ACAD11: variants seen among roughly 807,000 people sequenced by gnomAD.
The protein encoded by ACAD11 is acyl-Coenzyme A dehydrogenase family, member 11.
In ACAD11, 83 loss-of-function variants were observed where a neutral mutation model predicts 102.2. The observed-to-expected ratio is 0.81, with a 90% CI of 0.68 to 0.97. ACAD11 has a LOEUF of 0.97. Among genes scored for constraint, ACAD11 ranks in the 50% least tolerant of loss-of-function variants. The pLI is 0.00. For synonymous variants in ACAD11, 324 were observed against 319.8 expected (o/e 1.01, Z -0.14); for missense variants, 901 against 951.7 (o/e 0.95, Z 0.70).
intron 19 of ACAD11, 116 bp from the exon 20 acceptor site, chr3:132,559,201 G>A: frequency 1.3e-6 from 1 of 765,294 alleles, no homozygotes; most frequent in East Asian, 2.7e-5. Flanking sequence ...ATTCCACCAA[G>A]GTCAGGGTAA....
intron 11 of ACAD11, among the ~76,000 whole-genome samples, chr3:132,610,032 T>C (rs1235557599): frequency 6.6e-6 from 1 of 152,142 alleles, no homozygotes; most frequent in Non-Finnish European, 1.5e-5. Flanking sequence ...AAAAACCACA[T>C]GATTATCTCA....
intron 9 of ACAD11, chr3:132,620,249 A>G (rs1939558552): frequency 6.6e-6 from 1 of 152,240 alleles, no homozygotes. Context: ...GCTGGAATAG[A>G]CAAAATAAAC....
At chr3:132,639,969 AAC>A (rs911226052) in intron 4 of ACAD11, among the ~76,000 whole-genome samples, 4 of 151,170 alleles carry the variant, frequency 2.6e-5, no homozygotes, top group East Asian at 3.9e-4. Context: ...AATGCATACA[AAC>A]ACACACACGC....
At chr3:132,601,990 CATCTAAAACAG>C (rs2107823276) in intron 13 of ACAD11, 1 of 169,834 alleles carries the variant, frequency 5.9e-6, no homozygotes, top group South Asian at 1.9e-4. Flanking sequence ...TAAGTTAGGC[CATCTAAAACAG>C]ATTATTAAAG....
At chr3:132,586,235 G>GC (rs1310911645) in intron 13 of ACAD11, among the ~76,000 whole-genome samples, 1 of 152,002 alleles carries the variant, frequency 6.6e-6, no homozygotes, top group African/African-American at 2.4e-5. Context: ...GCAAACTATC[G>GC]CAAGGACAAA....
chr3:132,641,861 A>C (rs1576616736), intron 4 of ACAD11, 111 bp downstream of exon 4: 1 of 994,206 alleles, frequency 1.0e-6, no homozygotes, highest in African/African-American at 1.6e-5. Flanking sequence ...CAATGTTAAA[A>C]GTCATGGCCA....
At chr3:132,657,952 T>C (rs1937901031) in intron 1 of ACAD11, among the ~76,000 whole-genome samples, 1 of 147,142 alleles carries the variant, frequency 6.8e-6, no homozygotes, top group Admixed American at 7.0e-5. Context: ...AACCTCCCTC[T>C]CCTGGTTCAA....
intron 9 of ACAD11, among the ~76,000 whole-genome samples, chr3:132,620,887 C>G (rs1939583060): frequency 6.6e-6 from 1 of 152,114 alleles, no homozygotes; most frequent in South Asian, 2.1e-4. Flanking sequence ...TTCTCACACA[C>G]TCCAAAATTT....
At chr3:132,609,134 C>G (rs1307543259) in intron 11 of ACAD11, among the ~76,000 whole-genome samples, 4 of 152,040 alleles carry the variant, frequency 2.6e-5, no homozygotes, top group Non-Finnish European at 4.4e-5. Context: ...TGGGACACAA[C>G]TAAAGCAGTA....
intron 3 of ACAD11, 72 bp downstream of exon 3, chr3:132,642,605 C>A (rs1940566452): frequency 7.1e-7 from 1 of 1,409,234 alleles, no homozygotes; most frequent in Admixed American, 2.3e-5. Flanking sequence ...TATTAAGTAT[C>A]ATAATAAAAC....
At chr3:132,628,490 C>T in intron 7 of ACAD11, 44 bp from the exon 8 acceptor site, 1 of 1,344,062 alleles carries the variant, frequency 7.4e-7, no homozygotes. Flanking sequence ...GAAAACCGTC[C>T]TTCAACAATC....
chr3:132,621,134 T>C (rs1939592734), intron 9 of ACAD11: 2 of 152,144 alleles, frequency 1.3e-5, no homozygotes, highest in Admixed American at 1.3e-4. Flanking sequence ...AAAATTACTC[T>C]TAAAAGTTTT....
At chr3:132,641,602 AGAGGAG>A (rs1164143841) in intron 4 of ACAD11, among the ~76,000 whole-genome samples, 171 of 132,308 alleles carry the variant, frequency 1.3e-3, no homozygotes, top group African/African-American at 4.9e-3. Context: ...AAGAAGAAGA[AGAGGAG>A]GAAGAAGAGG....
chr3:132,594,307 G>T lies in ACAD11; in HGVS notation c.1621+8922C>A, dbSNP rs554825634. Reference sequence around the variant, plus strand: ...TTGGGGGTGGGGTAAATAAAGGAAAGGGATAGATACTTTTGAATCTATAAA... The same window carrying T: ...TTGGGGGTGGGGTAAATAAAGGAAATGGATAGATACTTTTGAATCTATAAA... On this transcript the variant is annotated intron_variant, in intron 13 of 19. Coordinates refer to ENST00000264990, the MANE Select transcript of ACAD11 (RefSeq NM_032169.5). Among the ~76,000 whole-genome samples, 8 of 152,252 alleles carry T rather than the reference G, an allele frequency of 5.3e-5. No individual in the cohort carries two copies. The South Asian group carries it at 8.3e-4, about 16-fold the overall frequency.
intron 11 of ACAD11, among the ~76,000 whole-genome samples, chr3:132,617,578 A>G (rs1361764224): frequency 6.6e-6 from 1 of 152,070 alleles, no homozygotes; most frequent in Non-Finnish European, 1.5e-5. Flanking sequence ...AACCACCATT[A>G]TCTCTCACCA....
chr3:132,577,294 A>T lies in ACAD11; in HGVS notation c.1775-279T>A, dbSNP rs538453929. On this transcript the variant is annotated intron_variant, in intron 15 of 19. Coordinates refer to ENST00000264990, the MANE Select transcript of ACAD11 (RefSeq NM_032169.5). ...CTAGGAAAAAGGAAGACCAGGCTCCATAGATCCAGCCAGAGTATTTTATTT... is the reference window on the plus strand; with the variant it reads ...CTAGGAAAAAGGAAGACCAGGCTCCTTAGATCCAGCCAGAGTATTTTATTT... 1.1e-4 allele frequency among the ~76,000 whole-genome samples: 16 copies of T among 152,320 alleles called. No individual in the cohort carries two copies. The East Asian group carries it at 3.1e-3, about 29-fold the overall frequency.
intron 17 of ACAD11, among the ~76,000 whole-genome samples, chr3:132,562,326 A>G (rs1452953847): frequency 2.0e-5 from 3 of 152,152 alleles, no homozygotes; most frequent in Admixed American, 2.0e-4. Context: ...GCTGGTCTTG[A>G]ACTCCTGACC....
intron 5 of ACAD11, among the ~76,000 whole-genome samples, chr3:132,632,667 G>A (rs1160959459): frequency 1.3e-5 from 2 of 152,088 alleles, no homozygotes; most frequent in Non-Finnish European, 1.5e-5. Flanking sequence ...ATTACCTTGG[G>A]CAGTATGGCC....
chr3:132,600,008 T>C (rs1316878946), intron 13 of ACAD11, among the ~76,000 whole-genome samples: 2 of 152,238 alleles, frequency 1.3e-5, no homozygotes, highest in Non-Finnish European at 2.9e-5. Context: ...ATTATGTATG[T>C]AAAGATTATA....
Sources: gnomAD v4.1 joint callset for allele counts (sites outside exome capture counted in the v4.1 genomes callset) on GRCh38, gnomAD v4.1.1 for gene constraint, MANE v1.5 for transcripts, NCBI Gene and HGNC (gene_info 2026-07-23, HGNC 2026-07-21) for gene names.